The following OPRM1 variants were observed in gnomAD, a reference collection of about 807,000 sequenced individuals.
The protein encoded by OPRM1 is opioid receptor mu 1.
A neutral mutation model predicts 31.8 loss-of-function variants in OPRM1; 27 were observed. The ratio of observed to expected loss-of-function variants is 0.85; its 90% CI spans 0.63 to 1.17. The LOEUF (loss-of-function observed/expected upper bound fraction) is 1.17, where lower values mean the gene tolerates loss of function less well. Among genes scored for constraint, OPRM1 ranks in the 50% most tolerant of loss-of-function variants. The pLI is 0.00. For missense variants in OPRM1, 536 were observed against 511.1 expected (o/e 1.05, Z -0.47); for synonymous variants, 196 against 189.9 (o/e 1.03, Z -0.26).
chr6:154,012,406 C>G (rs1009021024), intron 1 of OPRM1, among the ~76,000 whole-genome samples: 2 of 152,094 alleles, frequency 1.3e-5, no homozygotes, highest in South Asian at 2.1e-4. Context: ...ATTGGGCACA[C>G]TTAAGCTGAA....
upstream of OPRM1, among the ~76,000 whole-genome samples, chr6:154,036,409 A>T (rs573718647): frequency 8.5e-5 from 13 of 152,170 alleles, no homozygotes; most frequent in Non-Finnish European, 1.2e-4. Flanking sequence ...GATGATAAAG[A>T]CCAATAGAAA....
intron 3 of OPRM1, among the ~76,000 whole-genome samples, chr6:154,198,463 G>A (rs1776800243): frequency 6.6e-6 from 1 of 152,112 alleles, no homozygotes; most frequent in African/African-American, 2.4e-5. Context: ...AATCTAGATA[G>A]TTGGCCTAAA....
upstream of OPRM1, among the ~76,000 whole-genome samples, chr6:154,038,933 T>C (rs976629436): frequency 7.9e-5 from 12 of 152,116 alleles, no homozygotes. Flanking sequence ...CAAAAGAAAA[T>C]TGTGTGTCCC....
At chr6:154,182,619 T>C (rs988138097) in intron 3 of OPRM1, among the ~76,000 whole-genome samples, 5 of 152,226 alleles carry the variant, frequency 3.3e-5, no homozygotes, top group Non-Finnish European at 5.9e-5. Flanking sequence ...ACAAAAAAGA[T>C]ATTTGATCGC....
intron 3 of OPRM1, among the ~76,000 whole-genome samples, chr6:154,115,433 G>A (rs946613212): frequency 1.6e-4 from 25 of 152,150 alleles, no homozygotes; most frequent in African/African-American, 5.8e-4. Flanking sequence ...CCAGCTACTC[G>A]GGAGACTGAG....
chr6:154,212,843 T>C (rs1428380875), intron 3 of OPRM1: 1 of 1,611,220 alleles, frequency 6.2e-7, no homozygotes, highest in South Asian at 1.1e-5. Context: ...CTGTTCACTT[T>C]CACTGTAACA....
chr6:154,084,969 G>T (rs1790180635), intron 1 of OPRM1, among the ~76,000 whole-genome samples: 1 of 151,470 alleles, frequency 6.6e-6, no homozygotes, highest in Non-Finnish European at 1.5e-5. Context: ...ATTCTAAAAT[G>T]TGTCCTTCCT....
At chr6:154,186,486 G>A (rs1436646297) in intron 3 of OPRM1, among the ~76,000 whole-genome samples, 5 of 152,082 alleles carry the variant, frequency 3.3e-5, no homozygotes, top group Non-Finnish European at 5.9e-5. Context: ...CAGCCACCTC[G>A]CCGCCTATCC....
At chr6:154,091,685 CA>C in intron 3 of OPRM1, 1 of 1,314,798 alleles carries the variant, frequency 7.6e-7, no homozygotes, top group Non-Finnish European at 9.6e-7. Context: ...AAAGATACAC[CA>C]ATGAGAAATC....
At chr6:154,063,575 CATT>C (rs1336580068) in intron 1 of OPRM1, among the ~76,000 whole-genome samples, 2 of 151,908 alleles carry the variant, frequency 1.3e-5, no homozygotes, top group African/African-American at 4.8e-5. Context: ...ATTGTGCAAT[CATT>C]AGTATCATTC....
intron 3 of OPRM1, among the ~76,000 whole-genome samples, chr6:154,187,128 T>A (rs995519989): frequency 1.3e-4 from 20 of 152,300 alleles, no homozygotes; most frequent in African/African-American, 4.8e-4. Context: ...CCTGGAAGAC[T>A]CTTCCCCAAA....
At chr6:154,182,161 C>T (rs1437695612) in intron 3 of OPRM1, among the ~76,000 whole-genome samples, 1 of 152,154 alleles carries the variant, frequency 6.6e-6, no homozygotes, top group Non-Finnish European at 1.5e-5. Flanking sequence ...AATGTTTTTA[C>T]TTGTGCTCTC....
chr6:154,043,535 GTGTATATA>G (rs1408398682), intron 1 of OPRM1, among the ~76,000 whole-genome samples: 1 of 142,414 alleles, frequency 7.0e-6, no homozygotes, highest in African/African-American at 2.6e-5. Context: ...ATGTGTGTGT[GTGTATATA>G]TATATATATA....
chr6:154,226,057 T>G (rs1779224666), intron 3 of OPRM1, among the ~76,000 whole-genome samples: 1 of 152,226 alleles, frequency 6.6e-6, no homozygotes, highest in Non-Finnish European at 1.5e-5. Flanking sequence ...TAACTATGCC[T>G]TCTTCTCTTT....
At chr6:154,077,398 A>G (rs7746610) in intron 1 of OPRM1, among the ~76,000 whole-genome samples, 3 of 149,844 alleles carry the variant, frequency 2.0e-5, no homozygotes, top group East Asian at 2.1e-4. Flanking sequence ...GATTACAGGC[A>G]TGAGCCACTA....
chr6:154,172,866 C>A (rs1799988612), intron 3 of OPRM1, among the ~76,000 whole-genome samples: 1 of 152,228 alleles, frequency 6.6e-6, no homozygotes, highest in African/African-American at 2.4e-5. Flanking sequence ...TCAAGTGGGT[C>A]CCTGACCCTC....
chr6:154,120,060 C>G lies in OPRM1; in HGVS notation c.*1339C>G, dbSNP rs1488707648. ...AGGTAGACAGCCAAGTCAGATGGCC[C>G]ATGCCTAGAAGCTCTCCATTTTGAA... On this transcript the variant is annotated 3_prime_UTR_variant, in exon 4 of 4. Transcript: ENST00000330432. Among the ~76,000 whole-genome samples, 1 of 152,144 alleles carries G rather than the reference C, an allele frequency of 6.6e-6. No individual in the cohort carries two copies. The highest frequency in any genetic ancestry group is 1.5e-5 in the Non-Finnish European group (1 of 68,008).
At chr6:154,063,996 T>C (rs551885450) in intron 1 of OPRM1, among the ~76,000 whole-genome samples, 1 of 152,176 alleles carries the variant, frequency 6.6e-6, no homozygotes, top group Non-Finnish European at 1.5e-5. Flanking sequence ...TTCAATTTCT[T>C]TGGGTATTTG....
Position 154,168,233 on chromosome 6 carries a change from C to G in OPRM1, c.1164+76761C>G. ...TGGCACCCTCATCTCAGACTTCTCT[C>G]CGGAACTGAAAGACAATAAATGTTT... is the stretch of plus-strand genomic sequence containing the variant. On this transcript the variant is annotated intron_variant, in intron 3 of 3. Coordinates refer to the OPRM1 transcript ENST00000337049. The surrounding 1 kb of genome is among the most constrained non-coding windows in gnomAD (Gnocchi z 4.1). 1.0e-5 allele frequency: 7 copies of G among 685,496 alleles called. 1 individual carries two copies. In the South Asian group the frequency reaches 2.0e-4, roughly 20 times the overall value. 42.5% of individuals were successfully genotyped at this position (685,496 alleles called of 1,614,324 possible).
Sources: gnomAD v4.1 joint callset for allele counts (sites outside exome capture counted in the v4.1 genomes callset) on GRCh38, gnomAD v4.1.1 for gene constraint, Gnocchi (gnomAD v3.1) non-coding constraint, MANE v1.5 for transcripts, NCBI Gene and HGNC (gene_info 2026-07-23, HGNC 2026-07-21) for gene names.